The following LTBP3 variants were observed in gnomAD, a reference collection of about 807,000 sequenced individuals.
The protein encoded by LTBP3 is latent-transforming growth factor beta-binding protein 3.
LTBP3 carries 97 observed loss-of-function variants against 159.7 expected under a neutral mutation model. The ratio of observed to expected loss-of-function variants is 0.61; its 90% CI spans 0.52 to 0.72. LTBP3 has a LOEUF of 0.72. Among genes scored for constraint, LTBP3 ranks in the 30% least tolerant of loss-of-function variants. The probability of loss-of-function intolerance (pLI) is 0.00; values close to 1 mark genes in which losing one functional copy is unlikely to be tolerated. For missense variants in LTBP3, 1,584 were observed against 1,864.3 expected, an observed-to-expected ratio of 0.85 and a Z score of 2.77; for synonymous variants, 824 against 777.1, an observed-to-expected ratio of 1.06 and a Z score of -1.00.
At chr11:65,539,905 G>A (rs1054379851) in intron 24 of LTBP3, 24 bp from the exon 25 acceptor site, 148 of 1,503,500 alleles carry the variant, frequency 9.8e-5, no homozygotes, top group Non-Finnish European at 1.2e-4. Context: ...CTGGCATCAG[G>A]GGAGGGGCCC....
intron 1 of LTBP3, among the ~76,000 whole-genome samples, chr11:65,555,109 C>CCTCTAGA (rs2135162033): frequency 6.6e-6 from 1 of 152,266 alleles, no homozygotes; most frequent in East Asian, 1.9e-4. Flanking sequence ...CCAGTTACAG[C>CCTCTAGA]CTCTAATGTC....
intron 11 of LTBP3, among the ~76,000 whole-genome samples, chr11:65,549,637 C>T (rs1182459024): frequency 8.6e-6 from 1 of 116,630 alleles, no homozygotes; most frequent in Non-Finnish European, 1.6e-5. Flanking sequence ...CCAGGATGGT[C>T]TCAATCTCTT....
chr11:65,540,530 C>T lies in LTBP3; in HGVS notation c.3062G>A (p.Cys1021Tyr). 1 of 1,613,860 alleles carries T rather than the reference C, an allele frequency of 6.2e-7. No homozygotes were observed. The highest frequency in any genetic ancestry group is 2.2e-5 in the East Asian group (1 of 44,876). ...CCCGTCGTAGTAGAAGCCCTGCTTG[C>T]AGTAGCACTCGTAGCCAGGCTGCGT... ...VNTQPGYECY[C>Y]KQGFYYDGNL... Residue 1021 changes from cysteine to tyrosine, a missense_variant, in exon 22 of 28, where the codon TGC (cysteine) becomes TAC (tyrosine). Cys to Tyr is a radical substitution (Grantham distance 194). Around this residue, in one of 6 missense-constraint regions of LTBP3, gnomAD observed 514 missense variants for 530.3 expected, o/e 0.97. Coordinates refer to ENST00000301873, the MANE Select transcript of LTBP3 (RefSeq NM_001130144.3).
Position 65,539,885 on chromosome 11 carries a change from C to T in LTBP3, c.3386-4G>A, listed in dbSNP as rs758834505. 204 of 1,510,694 alleles carry T rather than the reference C, an allele frequency of 1.4e-4. No homozygotes were observed. The highest frequency in any genetic ancestry group is 1.7e-4 in the Non-Finnish European group (190 of 1,136,922). The allele number at this position is 1,510,694 out of a possible 1,614,324, so 93.6% of individuals were successfully genotyped here. A position where few individuals can be genotyped will look rare whatever the true frequency, so the allele number is the denominator to read the frequency against. On this transcript the variant is annotated splice_region_variant and splice_polypyrimidine_tract_variant and intron_variant, in intron 24 of 27. Transcript: ENST00000301873. Reference sequence around the variant, plus strand: ...TCGCGCCGCTCCGGGGCACGCTCTGCGGAAGACACCTGGCATCAGGGGAGG... The same window carrying T: ...TCGCGCCGCTCCGGGGCACGCTCTGTGGAAGACACCTGGCATCAGGGGAGG...
intron 17 of LTBP3, 94 bp downstream of exon 17, chr11:65,543,333 C>T: frequency 1.9e-6 from 3 of 1,612,144 alleles, no homozygotes; most frequent in Admixed American, 1.7e-5. Flanking sequence ...GCCCCTATGC[C>T]CCAACTGAGA....
intron 1 of LTBP3, among the ~76,000 whole-genome samples, chr11:65,555,412 G>C (rs1241974042): frequency 6.6e-6 from 1 of 151,750 alleles, no homozygotes; most frequent in Non-Finnish European, 1.5e-5. Context: ...CAGGGCCCCA[G>C]GTCCCCCCCC....
chr11:65,542,900 G>A (rs1183270535), intron 18 of LTBP3: 10 of 694,900 alleles, frequency 1.4e-5, no homozygotes, highest in Non-Finnish European at 2.5e-5. Context: ...GTGGGTGAGT[G>A]GAAGGATGAA....
intron 24 of LTBP3, 58 bp from the exon 25 acceptor site, chr11:65,539,939 C>A: frequency 6.8e-7 from 1 of 1,467,070 alleles, no homozygotes; most frequent in South Asian, 1.3e-5. Flanking sequence ...CCCGCCTCCG[C>A]CCCACCCCAC....
chr11:65,547,899 C>CG lies in LTBP3; in HGVS notation c.1846+20dup. On this transcript the variant is annotated intron_variant, in intron 12 of 27. Coordinates refer to ENST00000301873, the MANE Select transcript of LTBP3 (RefSeq NM_001130144.3). The surrounding 1 kb of genome is among the most constrained non-coding windows in gnomAD (Gnocchi z 4.6). ...GTCCCCCCCCACCCACCTGCATGCC[C>CG]GCCGCCTGCCCTGCGCTCACCCACG... The CG allele has an allele frequency of 1.2e-6, 2 of 1,613,540 alleles. No homozygotes were observed. Among genetic ancestry groups the CG allele is most frequent in the Non-Finnish European group, 1.7e-6 (2 of 1,179,956 alleles).
At position 65,552,005 on chromosome 11, in the gene LTBP3, C is replaced by G. The variant is rs1351516709; in HGVS notation, c.1498G>C (p.Ala500Pro). 14 of 1,613,986 alleles carry G rather than the reference C, an allele frequency of 8.7e-6. No individual in the cohort carries two copies. Among genetic ancestry groups the G allele is most frequent in the Non-Finnish European group, 1.1e-5 (13 of 1,179,980 alleles). The part of the protein sequence containing the change: ...PQQLPESPSQ[A>P]PPPEDTEEER... ...TCCTCTGTGTCCTCAGGTGGTGGAGCCTGGCTAGGGCTCTCCGGAAGCTGC... is the reference window on the plus strand; with the variant it reads ...TCCTCTGTGTCCTCAGGTGGTGGAGGCTGGCTAGGGCTCTCCGGAAGCTGC... The change falls in exon 8 of 28, where the codon GCT (alanine) becomes CCT (proline). Residue 500 changes from alanine (A) to proline (P), a missense_variant. Transcript: ENST00000301873. The surrounding 1 kb of genome is among the most constrained non-coding windows in gnomAD (Gnocchi z 6.0).
At chr11:65,555,493 G>A (rs1042723486) in intron 1 of LTBP3, among the ~76,000 whole-genome samples, 4 of 151,960 alleles carry the variant, frequency 2.6e-5, no homozygotes, top group African/African-American at 9.7e-5. Flanking sequence ...CCTCCTATCC[G>A]GCCCCCCTGA....
intron 17 of LTBP3, 44 bp downstream of exon 17, chr11:65,543,383 G>C: frequency 1.2e-6 from 2 of 1,613,156 alleles, no homozygotes; most frequent in African/African-American, 1.3e-5. Context: ...GGGGTCCTGG[G>C]GTAGGGAGGG....
In LTBP3 at chr11:65,553,783, G is replaced by A. The variant is rs765178350; in HGVS notation, c.782C>T (p.Pro261Leu). 6 of 1,566,854 alleles carry A rather than the reference G, an allele frequency of 3.8e-6. No individual in the cohort carries two copies. In the South Asian group the frequency reaches 6.9e-5, roughly 18 times the overall value. ...ESAAPSQHLLPHPKPSHPRPP... is the reference protein window; with the variant it reads ...ESAAPSQHLLLHPKPSHPRPP... Reference sequence around the variant, plus strand: ...CCGGGGGTGCGAGGGCTTGGGGTGCGGCAGCAGGTGCTGGGAGGGGGCTGC... The same window carrying A: ...CCGGGGGTGCGAGGGCTTGGGGTGCAGCAGCAGGTGCTGGGAGGGGGCTGC... Residue 261 changes from proline to leucine, a missense_variant, in exon 3 of 28, where the codon CCG becomes CTG. By Grantham distance (98) the Pro-to-Leu change is moderately conservative. This residue lies in a region of LTBP3 where 194 missense variants were observed against 198.7 expected (regional missense o/e 0.98). Coordinates refer to ENST00000301873, the MANE Select transcript of LTBP3 (RefSeq NM_001130144.3). This position sits in a 1 kb window ranked among gnomAD's most constrained non-coding sequence, Gnocchi z 6.5.
Position 65,558,000 on chromosome 11 carries a change from CG to C in LTBP3, c.-42del. 9.1e-7 allele frequency: 1 copy of C among 1,104,412 alleles called. No individual in the cohort carries two copies. 68.4% of individuals were successfully genotyped at this position (1,104,412 alleles called of 1,614,324 possible). ...CCGGGGGAGGGGGGGCGCGCCCGGG[CG>C]GGGCGAGGGGCCCGCGCCCGAAGGG... On this transcript the variant is annotated 5_prime_UTR_variant, in exon 1 of 28. Transcript: ENST00000301873.
Position 65,553,402 on chromosome 11 carries a change from G to GC in LTBP3, c.970+22dup. 2 of 1,598,276 alleles carry GC rather than the reference G, an allele frequency of 1.3e-6. No individual in the cohort carries two copies. The highest frequency in any genetic ancestry group is 1.7e-6 in the Non-Finnish European group (2 of 1,168,222). On this transcript the variant is annotated intron_variant, in intron 4 of 27. Coordinates refer to ENST00000301873, the MANE Select transcript of LTBP3 (RefSeq NM_001130144.3). The surrounding 1 kb of genome is among the most constrained non-coding windows in gnomAD (Gnocchi z 6.5). Reference sequence around the variant, plus strand: ...GGGGAGGGGCCACCAGATAGGGAACGCCCCCTGAGCCCAAGCACTCACACT... The same window carrying GC: ...GGGGAGGGGCCACCAGATAGGGAACGCCCCCCTGAGCCCAAGCACTCACACT...
rs1160236501 is a variant in LTBP3 at position 65,538,727 on chromosome 11, A to T, written c.*353T>A. 9.4e-7 allele frequency: 1 copy of T among 1,068,184 alleles called. No homozygotes were observed. Among genetic ancestry groups the T allele is most frequent in the Admixed American group, 2.9e-5 (1 of 34,524 alleles). The allele number at this position is 1,068,184 out of a possible 1,614,324, so 66.2% of individuals were successfully genotyped here. On this transcript the variant is annotated 3_prime_UTR_variant, in exon 28 of 28. Coordinates refer to ENST00000301873, the MANE Select transcript of LTBP3 (RefSeq NM_001130144.3). ...ACACCCCTTGTGCCGGGCTCAGTCTAGCCCCTGGGAGGCGGCTGGGGTCTG... is the reference window on the plus strand; with the variant it reads ...ACACCCCTTGTGCCGGGCTCAGTCTTGCCCCTGGGAGGCGGCTGGGGTCTG...
In LTBP3 at chr11:65,554,190, C is replaced by T. The variant is rs1237583565; in HGVS notation, c.522G>A (p.Pro174=). The T allele has an allele frequency of 1.7e-5, 27 of 1,611,310 alleles. No homozygotes were observed. Among genetic ancestry groups the T allele is most frequent in the Non-Finnish European group, 2.1e-5 (25 of 1,179,484 alleles). ...LSTGALPPLA[P]EGDSVASKHA... is the part of the protein sequence containing the mutation. ...GCTTGCTGGCCACAGAGTCGCCCTC[C>T]GGAGCCAGGGGCGGCAGCGCCCCTG... The change falls in exon 2 of 28, where the codon CCG becomes CCA. Residue 174 remains proline (P), a synonymous_variant. Coordinates refer to ENST00000301873, the MANE Select transcript of LTBP3 (RefSeq NM_001130144.3). This position sits in a 1 kb window ranked among gnomAD's most constrained non-coding sequence, Gnocchi z 5.3.
chr11:65,539,694 G>C, intron 25 of LTBP3, 26 bp downstream of exon 25: 1 of 1,568,408 alleles, frequency 6.4e-7, no homozygotes, highest in Non-Finnish European at 8.6e-7. Context: ...CCTCGCTCCC[G>C]GCCAACTCCT....
Position 65,546,388 on chromosome 11 carries a change from G to C in LTBP3, c.2353+54C>G. 1 of 1,488,712 alleles carries C rather than the reference G, an allele frequency of 6.7e-7. No individual in the cohort carries two copies. The highest frequency in any genetic ancestry group is 1.3e-5 in the South Asian group (1 of 76,294). 92.2% of individuals were successfully genotyped at this position (1,488,712 alleles called of 1,614,324 possible). On this transcript the variant is annotated intron_variant, in intron 16 of 27. Transcript: ENST00000301873. This position sits in a 1 kb window ranked among gnomAD's most constrained non-coding sequence, Gnocchi z 4.0. ...TTACAGACAGCGTGACCCGCTCCCC[G>C]GCTTCAGCGCGTAGGGGGCGGCGGA...
Sources: gnomAD v4.1 joint callset for allele counts (sites outside exome capture counted in the v4.1 genomes callset) on GRCh38, gnomAD v4.1.1 for gene constraint, gnomAD v4.1.1 regional missense constraint, Gnocchi (gnomAD v3.1) non-coding constraint, MANE v1.5 for transcripts, NCBI Gene and HGNC (gene_info 2026-07-23, HGNC 2026-07-21) for gene names.